GMDS: variants seen among roughly 807,000 people sequenced by gnomAD.
The protein encoded by GMDS is GDP-mannose 4,6 dehydratase.
A neutral mutation model predicts 49.9 loss-of-function variants in GMDS; 20 were observed. The ratio of observed to expected loss-of-function variants is 0.40; its 90% CI spans 0.28 to 0.58. GMDS has a LOEUF of 0.58. GMDS is among the 20% of genes least tolerant of loss of function. The pLI is 0.42. For synonymous variants in GMDS, 177 were observed against 178.6 expected, an observed-to-expected ratio of 0.99 and a Z score of 0.07; for missense variants, 362 against 481.4, an observed-to-expected ratio of 0.75 and a Z score of 2.32.
chr6:1,725,365 A>T (rs1458975496), intron 9 of GMDS, among the ~76,000 whole-genome samples: 1 of 152,238 alleles, frequency 6.6e-6, no homozygotes, highest in Non-Finnish European at 1.5e-5. Flanking sequence ...CTGTATTTAG[A>T]AATTCGCCCA....
chr6:1,860,291 A>C (rs755860517), intron 7 of GMDS, among the ~76,000 whole-genome samples: 3 of 152,262 alleles, frequency 2.0e-5, no homozygotes, highest in Non-Finnish European at 4.4e-5. Flanking sequence ...TCAGCAATCA[A>C]AAAGGAATGG....
intron 4 of GMDS, among the ~76,000 whole-genome samples, chr6:2,015,759 A>G (rs908499155): frequency 2.0e-5 from 3 of 152,198 alleles, no homozygotes; most frequent in Non-Finnish European, 4.4e-5. Flanking sequence ...TCTTCTACCC[A>G]CAAATTTAAT....
chr6:1,887,758 G>C (rs1334956579), intron 7 of GMDS, among the ~76,000 whole-genome samples: 1 of 152,090 alleles, frequency 6.6e-6, no homozygotes, highest in Non-Finnish European at 1.5e-5. Context: ...CAGAGGATCG[G>C]TTCCAGGACC....
intron 9 of GMDS, among the ~76,000 whole-genome samples, chr6:1,688,075 GC>G (rs1362469181): frequency 6.6e-6 from 1 of 152,192 alleles, no homozygotes; most frequent in Non-Finnish European, 1.5e-5. Context: ...AGAGAGGATG[GC>G]GGCTTTGTTT....
chr6:1,643,674 A>T (rs1244270509), intron 9 of GMDS, among the ~76,000 whole-genome samples: 1 of 152,016 alleles, frequency 6.6e-6, no homozygotes, highest in African/African-American at 2.4e-5. Flanking sequence ...GGGGACTGCT[A>T]ATGGTTATGG....
At chr6:1,984,927 G>T (rs1765453195) in intron 4 of GMDS, among the ~76,000 whole-genome samples, 1 of 152,212 alleles carries the variant, frequency 6.6e-6, no homozygotes, top group Non-Finnish European at 1.5e-5. Context: ...AAGTAAGGCT[G>T]AAGCTGCAAG....
intron 9 of GMDS, among the ~76,000 whole-genome samples, 188 bp downstream of exon 9, chr6:1,726,228 T>C (rs555647501): frequency 5.2e-5 from 8 of 152,384 alleles, no homozygotes; most frequent in Admixed American, 6.5e-5. Context: ...TATAGAGCAA[T>C]GAAGTTTGTG....
intron 7 of GMDS, among the ~76,000 whole-genome samples, chr6:1,785,152 T>C (rs1769266157): frequency 6.6e-6 from 1 of 152,218 alleles, no homozygotes. Context: ...CAGAGAGTTA[T>C]ATTACCTAAA....
rs377348897 is a variant in GMDS at position 1,635,343 on chromosome 6, C to T, written c.988-10803G>A. Among the ~76,000 whole-genome samples the T allele has an allele frequency of 2.6e-5, 4 of 151,718 alleles. No homozygotes were observed. Among genetic ancestry groups the T allele is most frequent in the Non-Finnish European group, 5.9e-5 (4 of 67,772 alleles). On this transcript the variant is annotated intron_variant, in intron 9 of 10. Coordinates refer to ENST00000380815, the MANE Select transcript of GMDS (RefSeq NM_001500.4). The surrounding 1 kb of genome is among the most constrained non-coding windows in gnomAD (Gnocchi z 4.7). Reference sequence around the variant, plus strand: ...CCGTGACCCTGGTCCACGGGACAGGCGAGGAAAGGGTTAAGGCAAGCTGTG... The same window carrying T: ...CCGTGACCCTGGTCCACGGGACAGGTGAGGAAAGGGTTAAGGCAAGCTGTG...
chr6:1,841,249 C>T (rs540519584), intron 7 of GMDS, among the ~76,000 whole-genome samples: 2 of 152,336 alleles, frequency 1.3e-5, no homozygotes, highest in East Asian at 3.9e-4. Context: ...GAATCCCTTG[C>T]TCTCAGAACA....
At chr6:1,906,002 A>G (rs1760758653) in intron 7 of GMDS, among the ~76,000 whole-genome samples, 2 of 151,978 alleles carry the variant, frequency 1.3e-5, no homozygotes, top group South Asian at 4.2e-4. Flanking sequence ...ACCCACCGAG[A>G]CTTTCTTCAC....
intron 2 of GMDS, among the ~76,000 whole-genome samples, chr6:2,120,442 C>A (rs1176762994): frequency 1.3e-5 from 2 of 152,112 alleles, no homozygotes; most frequent in Non-Finnish European, 2.9e-5. Flanking sequence ...TCTCCATGTT[C>A]TAACAAAAAA....
chr6:1,759,428 G>T (rs757426943), intron 7 of GMDS, among the ~76,000 whole-genome samples: 2 of 152,180 alleles, frequency 1.3e-5, no homozygotes, highest in African/African-American at 4.8e-5. Context: ...CTGTATTCTT[G>T]CGACTGCATG....
rs572037029 is a variant in GMDS, at chr6:1,763,458, C to T, written c.772-20872G>A. Among the ~76,000 whole-genome samples the T allele has an allele frequency of 3.3e-5, 5 of 152,260 alleles. No individual in the cohort carries two copies. In the South Asian group the frequency reaches 8.3e-4, roughly 25 times the overall value. On this transcript the variant is annotated intron_variant, in intron 7 of 10. Transcript: ENST00000380815. The stretch of plus-strand genomic sequence containing the variant: ...TAAACCTACTGGCAAGTGATAAATC[C>T]CCCACTTCCAGGGCGCTGCCCTTAC...
chr6:1,693,921 T>C (rs959493924), intron 9 of GMDS, among the ~76,000 whole-genome samples: 8 of 152,228 alleles, frequency 5.3e-5, no homozygotes, highest in Non-Finnish European at 1.2e-4. Flanking sequence ...AGTTTTATTT[T>C]ATATAAGAGG....
chr6:1,718,506 C>T lies in GMDS; in HGVS notation c.987+7910G>A, dbSNP rs1766253545. ...CCATGGTCTCCATCTCTGCCATGTT[C>T]TGGCACCTGTCACTGTTTCTCTCGC... On this transcript the variant is annotated intron_variant, in intron 9 of 10. Transcript: ENST00000380815. Among the ~76,000 whole-genome samples the T allele has an allele frequency of 2.0e-5, 3 of 152,284 alleles. No homozygotes were observed. In the South Asian group the frequency reaches 6.2e-4, roughly 32 times the overall value.
intron 4 of GMDS, among the ~76,000 whole-genome samples, chr6:2,002,141 T>G (rs1487585328): frequency 6.6e-6 from 1 of 152,216 alleles, no homozygotes; most frequent in Non-Finnish European, 1.5e-5. Flanking sequence ...TTATATAAAG[T>G]TCTGGAATCA....
Position 1,742,465 on chromosome 6 carries a change from TACAC to T in GMDS, c.889_890+2del. The T allele has an allele frequency of 6.5e-7, 1 of 1,536,736 alleles. No homozygotes were observed. The highest frequency in any genetic ancestry group is 9.0e-7 in the Non-Finnish European group (1 of 1,110,080). ...CAAGTAGTCATTTCTCAGGTATACT[TACAC>T]AATGGTTTTTCCAATGTGCAAGAAT... On this transcript the variant is annotated splice_donor_variant and coding_sequence_variant, in exon 8 of 11. Coordinates refer to ENST00000380815, the MANE Select transcript of GMDS (RefSeq NM_001500.4). LOFTEE classifies it high-confidence loss of function.
chr6:1,715,413 T>C (rs1057355381), intron 9 of GMDS, among the ~76,000 whole-genome samples: 1 of 152,228 alleles, frequency 6.6e-6, no homozygotes, highest in Non-Finnish European at 1.5e-5. Context: ...CATTCATTCA[T>C]TCTTTATCCC....
Sources: gnomAD v4.1 joint callset for allele counts (sites outside exome capture counted in the v4.1 genomes callset) on GRCh38, gnomAD v4.1.1 for gene constraint, Gnocchi (gnomAD v3.1) non-coding constraint, MANE v1.5 for transcripts, NCBI Gene and HGNC (gene_info 2026-07-23, HGNC 2026-07-21) for gene names.